The following NWD1 variants were observed in gnomAD, a reference collection of about 807,000 sequenced individuals.
NWD1 encodes the protein NACHT domain- and WD repeat-containing protein 1.
Under a neutral mutation model 135.1 loss-of-function variants are expected in NWD1, and 129 were observed. That is an observed-to-expected ratio of 0.96 (90% CI 0.83 to 1.11). NWD1 has a LOEUF of 1.11. NWD1 is among the 50% of genes least tolerant of loss of function. NWD1 has a pLI of 0.00. For synonymous variants in NWD1, 773 were observed against 786.0 expected (o/e 0.98, Z 0.28); for missense variants, 1,740 against 1,851.3 (o/e 0.94, Z 1.10).
chr19:16,779,452 A>C lies in NWD1; in HGVS notation c.2718A>C (p.Leu906=), dbSNP rs754633090. The part of the protein sequence containing the change: ...DMEEQHVIHM[L]TGHTGEVRCV... ...AAGAGCAGCATGTGATCCACATGCT[A>C]ACTGGACACACAGGTGAGACTTGGG... The change falls in exon 12 of 19, where the codon CTA becomes CTC. Residue 906 remains leucine (L), a synonymous_variant. Transcript: ENST00000524140. 3 of 1,613,282 alleles carry C rather than the reference A, an allele frequency of 1.9e-6. No individual in the cohort carries two copies. In the South Asian group the frequency reaches 3.3e-5, roughly 18 times the overall value.
At chr19:16,726,221 C>T (rs1369012747) in intron 2 of NWD1, among the ~76,000 whole-genome samples, 6 of 152,142 alleles carry the variant, frequency 3.9e-5, no homozygotes, top group Admixed American at 3.9e-4. Flanking sequence ...CTCGGCCTCC[C>T]AAAGTGCTGG....
chr19:16,744,312 G>C, intron 4 of NWD1, 109 bp from the exon 5 acceptor site: 1 of 844,604 alleles, frequency 1.2e-6, no homozygotes, highest in South Asian at 1.6e-5. Flanking sequence ...AGGAGGTTGA[G>C]GCTGCAGTGA....
intron 12 of NWD1, among the ~76,000 whole-genome samples, chr19:16,782,152 A>G (rs1450180086): frequency 6.6e-6 from 1 of 151,614 alleles, no homozygotes; most frequent in Admixed American, 6.6e-5. Context: ...GTAATTAAGA[A>G]AACAGGTTGG....
intron 5 of NWD1, chr19:16,744,985 G>T (rs529607339): frequency 3.2e-6 from 2 of 629,072 alleles, no homozygotes; most frequent in East Asian, 6.4e-5. Flanking sequence ...CACAGGGGCC[G>T]TATTAGTCTG....
At chr19:16,809,806 C>T (rs941200730) in intron 18 of NWD1, among the ~76,000 whole-genome samples, 4 of 152,056 alleles carry the variant, frequency 2.6e-5, no homozygotes, top group Non-Finnish European at 4.4e-5. Context: ...ATCCGCCCAC[C>T]TTGGCCTCAC....
chr19:16,787,215 C>T (rs929600893), intron 12 of NWD1, among the ~76,000 whole-genome samples: 3 of 151,990 alleles, frequency 2.0e-5, no homozygotes, highest in African/African-American at 7.3e-5. Context: ...CAGCCTCAAC[C>T]TCCTGCGCTC....
At chr19:16,808,920 C>T (rs1380747588) in intron 18 of NWD1, among the ~76,000 whole-genome samples, 2 of 152,100 alleles carry the variant, frequency 1.3e-5, no homozygotes, top group African/African-American at 4.8e-5. Flanking sequence ...CTTATCTCTA[C>T]AAACAAATGC....
At chr19:16,732,657 A>AAAAAAAAAAAAAG (rs1967623868) in intron 3 of NWD1, among the ~76,000 whole-genome samples, 1 of 131,690 alleles carries the variant, frequency 7.6e-6, no homozygotes, top group African/African-American at 3.1e-5. Flanking sequence ...TTCATCTCAA[A>AAAAAAAAAAAAAG]AAAAAAAAAA....
chr19:16,799,986 C>A lies in NWD1; in HGVS notation c.3560C>A (p.Ala1187Asp), dbSNP rs751016845. ...LARGGALVAS[A>D]SPQSSSFKVW... The stretch of plus-strand genomic sequence containing the variant: ...CGCGGCGGGGCTTTGGTGGCATCTG[C>A]TTCCCCACAGTCCTCATCTTTCAAG... Residue 1187 changes from alanine (A) to aspartate (D), a missense_variant, in exon 17 of 19, where the codon GCT becomes GAT. Physicochemically the swap from Ala to Asp is moderately radical, Grantham distance 126. Coordinates refer to ENST00000524140, the MANE Select transcript of NWD1 (RefSeq NM_001007525.5). The A allele has an allele frequency of 1.2e-6, 2 of 1,614,192 alleles. No individual in the cohort carries two copies. The highest frequency in any genetic ancestry group is 2.7e-5 in the African/African-American group (2 of 75,066).
intron 7 of NWD1, among the ~76,000 whole-genome samples, chr19:16,760,451 G>T (rs971358728): frequency 1.3e-5 from 2 of 151,442 alleles, no homozygotes; most frequent in South Asian, 4.2e-4. Context: ...GTGGAGATGG[G>T]GTCTCACCAC....
intron 4 of NWD1, among the ~76,000 whole-genome samples, chr19:16,740,996 T>C (rs538653474): frequency 2.0e-5 from 3 of 152,190 alleles, no homozygotes; most frequent in South Asian, 4.1e-4. Context: ...CTGTCTCTAC[T>C]AAAAATACAA....
At position 16,794,463 on chromosome 19, in the gene NWD1, G is replaced by T. The variant is rs1395765680; in HGVS notation, c.3214G>T (p.Val1072Phe). 1 of 1,606,234 alleles carries T rather than the reference G, an allele frequency of 6.2e-7. No homozygotes were observed. The highest frequency in any genetic ancestry group is 8.5e-7 in the Non-Finnish European group (1 of 1,173,876). Residue 1072 changes from valine (V) to phenylalanine (F), a missense_variant and splice_region_variant, in exon 15 of 19, where the codon GTT becomes TTT. Physicochemically the swap from Val to Phe is conservative, Grantham distance 50 (BLOSUM62 -1). Transcript: ENST00000524140. ...GACAGGCATCCCTGGTTCTGCACAG[G>T]TTTCCTCCAAAGGGGACAGATTGCT... ...TGFSNGSISL[V>F]SSKGDRLLEK...
chr19:16,723,907 G>A (rs147917808), intron 1 of NWD1, among the ~76,000 whole-genome samples: 3 of 152,056 alleles, frequency 2.0e-5, no homozygotes, highest in East Asian at 3.9e-4. Context: ...TGTTGGCCGC[G>A]CTGGTCTCCG....
chr19:16,732,438 T>C (rs1423564609), intron 3 of NWD1, among the ~76,000 whole-genome samples: 1 of 151,648 alleles, frequency 6.6e-6, no homozygotes, highest in Non-Finnish European at 1.5e-5. Flanking sequence ...CTCTTCGTAC[T>C]GGGCTTCAGG....
intron 7 of NWD1, 47 bp downstream of exon 7, chr19:16,759,475 A>G (rs1380953338): frequency 7.1e-7 from 1 of 1,409,786 alleles, no homozygotes; most frequent in Non-Finnish European, 9.7e-7. Flanking sequence ...GTGGGACCCC[A>G]AGAATGAGGA....
chr19:16,754,426 A>G (rs1330858585), intron 6 of NWD1, among the ~76,000 whole-genome samples: 4 of 144,798 alleles, frequency 2.8e-5, no homozygotes, highest in Admixed American at 7.0e-5. Context: ...CTATCCGCCC[A>G]TCATTTCTAT....
chr19:16,807,632 G>A lies in NWD1; in HGVS notation c.3783G>A (p.Leu1261=), dbSNP rs763146697. The part of the protein sequence containing the change: ...SLDTSSEIRC[L]EVAEQRKLLF... Reference sequence around the variant, plus strand: ...ACACCTCCAGTGAGATCAGGTGTCTGGAGGTTGCTGAGCAGCGCAAGCTCC... The same window carrying A: ...ACACCTCCAGTGAGATCAGGTGTCTAGAGGTTGCTGAGCAGCGCAAGCTCC... Residue 1261 remains leucine (L), a synonymous_variant, in exon 18 of 19, where the codon CTG becomes CTA. Coordinates refer to ENST00000524140, the MANE Select transcript of NWD1 (RefSeq NM_001007525.5). The A allele has an allele frequency of 2.8e-5, 44 of 1,555,104 alleles. No homozygotes were observed. The highest frequency in any genetic ancestry group is 3.5e-4 in the Middle Eastern group (2 of 5,774).
At chr19:16,774,687 C>G (rs1019252102) in intron 11 of NWD1, among the ~76,000 whole-genome samples, 21 of 151,770 alleles carry the variant, frequency 1.4e-4, no homozygotes, top group Non-Finnish European at 2.9e-4. Flanking sequence ...CACCTACACA[C>G]CTTTCCTTCC....
chr19:16,813,177 G>C (rs181328346), intron 18 of NWD1, among the ~76,000 whole-genome samples: 2 of 152,214 alleles, frequency 1.3e-5, no homozygotes, highest in Admixed American at 1.3e-4. Flanking sequence ...GATGGAGTTT[G>C]GGTGTCTGAG....
Sources: allele counts gnomAD v4.1 joint callset (sites outside exome capture counted in the v4.1 genomes callset), GRCh38; gene constraint gnomAD v4.1.1; transcripts MANE v1.5; gene names NCBI Gene and HGNC (gene_info 2026-07-23, HGNC 2026-07-21).